Variants in OXNAD1 observed in about 807,000 individuals in gnomAD.
OXNAD1 encodes the protein oxidoreductase NAD binding domain containing 1, also known as oxidoreductase NAD-binding domain-containing protein 1.
Under a neutral mutation model 32.9 loss-of-function variants are expected in OXNAD1, and 34 were observed. The ratio of observed to expected loss-of-function variants is 1.03; its 90% CI spans 0.79 to 1.38. The LOEUF is 1.38. Ranked by LOEUF, OXNAD1 falls within the 40% of genes most tolerant of loss-of-function variation. The pLI is 0.00. For missense variants in OXNAD1, 407 were observed against 379.4 expected (o/e 1.07, Z -0.60); for synonymous variants, 134 against 135.2 (o/e 0.99, Z 0.06).
intron 1 of OXNAD1, among the ~76,000 whole-genome samples, chr3:16,268,183 G>A (rs887241356): frequency 2.6e-5 from 4 of 151,966 alleles, no homozygotes; most frequent in African/African-American, 9.7e-5. Context: ...TTTATTTAAA[G>A]GACTGGCATA....
At position 16,302,071 on chromosome 3, in the gene OXNAD1, T is replaced by C. The variant is rs1425727539; in HGVS notation, c.675+203T>C. Among the ~76,000 whole-genome samples the C allele has an allele frequency of 6.6e-6, 1 of 152,080 alleles. No homozygotes were observed. Among genetic ancestry groups the C allele is most frequent in the Non-Finnish European group, 1.5e-5 (1 of 68,012 alleles). Reference sequence around the variant, plus strand: ...AGTGTTGAAGAGGCTAGCAGTTAGGTGACAGGAAAGGGTAGGTTTTGGTGG... The same window carrying C: ...AGTGTTGAAGAGGCTAGCAGTTAGGCGACAGGAAAGGGTAGGTTTTGGTGG... On this transcript the variant is annotated intron_variant, in intron 7 of 8. Transcript: ENST00000285083. The surrounding 1 kb of genome is among the most constrained non-coding windows in gnomAD (Gnocchi z 4.2).
At position 16,285,271 on chromosome 3, in the gene OXNAD1, A is replaced by G. The variant is rs958024836; in HGVS notation, c.184-1071A>G. Among the ~76,000 whole-genome samples, 7 of 152,336 alleles carry G rather than the reference A, an allele frequency of 4.6e-5. No homozygotes were observed. In the South Asian group the frequency reaches 1.4e-3, roughly 32 times the overall value. On this transcript the variant is annotated intron_variant, in intron 4 of 8. Transcript: ENST00000285083. ...TAGTTTGATGAGATTTAGTAGTCCT[A>G]TTGGAGTAGAGGGCCTGCATGAGCT... is the stretch of plus-strand genomic sequence containing the variant.
chr3:16,325,006 G>C (rs990433238), intron 9 of OXNAD1, among the ~76,000 whole-genome samples: 1 of 151,984 alleles, frequency 6.6e-6, no homozygotes. Context: ...CCCAATCAGT[G>C]TGAGGCTATA....
intron 1 of OXNAD1, among the ~76,000 whole-genome samples, chr3:16,267,675 C>T (rs1376423873): frequency 6.6e-6 from 1 of 152,204 alleles, no homozygotes; most frequent in Non-Finnish European, 1.5e-5. Context: ...CACTCTTACT[C>T]CCTTTATCAT....
intron 9 of OXNAD1, among the ~76,000 whole-genome samples, chr3:16,324,491 T>C (rs2125212349): frequency 6.6e-6 from 1 of 152,226 alleles, no homozygotes; most frequent in Non-Finnish European, 1.5e-5. Context: ...CTTCTATGAC[T>C]CAACTTTTTT....
At position 16,322,971 on chromosome 3, in the gene OXNAD1, A is replaced by G. The variant is rs2125200253; in HGVS notation, c.*31-14141A>G. Among the ~76,000 whole-genome samples the G allele has an allele frequency of 6.6e-6, 1 of 152,294 alleles. No individual in the cohort carries two copies. Among genetic ancestry groups the G allele is most frequent in the East Asian group, 1.9e-4 (1 of 5,184 alleles). ...ACTTTTAATGTCCTAAGGAATCTTA[A>G]CAGGGCAGGCCAGAGCTCCAACTAG... On this transcript the variant is annotated intron_variant, in intron 9 of 9. Coordinates refer to the OXNAD1 transcript ENST00000435829. This position sits in a 1 kb window ranked among gnomAD's most constrained non-coding sequence, Gnocchi z 6.2.
chr3:16,350,559 T>TGTCAAG (rs1398614674), downstream of OXNAD1, among the ~76,000 whole-genome samples: 1 of 152,104 alleles, frequency 6.6e-6, no homozygotes, highest in African/African-American at 2.4e-5. Context: ...GGTGTGTAAC[T>TGTCAAG]GTCAAGGTGA....
Position 16,265,995 on chromosome 3 carries a change from G to A in OXNAD1, c.-159+490G>A, listed in dbSNP as rs2064467808. 1 of 749,868 alleles carries A rather than the reference G, an allele frequency of 1.3e-6. No homozygotes were observed. The highest frequency in any genetic ancestry group is 1.9e-5 in the African/African-American group (1 of 52,194). 46.5% of individuals were successfully genotyped at this position (749,868 alleles called of 1,614,324 possible). On this transcript the variant is annotated intron_variant, in intron 1 of 8. Coordinates refer to ENST00000285083, the MANE Select transcript of OXNAD1 (RefSeq NM_138381.5). This position sits in a 1 kb window ranked among gnomAD's most constrained non-coding sequence, Gnocchi z 4.8. The stretch of plus-strand genomic sequence containing the variant: ...TGAAAGCAGTGCTAGTGCCTGTTTT[G>A]GTAAAACCGATTACATTGGGTCTTA...
In OXNAD1 at chr3:16,327,837, A is replaced by T. The variant is rs1356580709; in HGVS notation, c.*31-9275A>T. Among the ~76,000 whole-genome samples the T allele has an allele frequency of 6.6e-6, 1 of 152,106 alleles. No homozygotes were observed. The highest frequency in any genetic ancestry group is 1.5e-5 in the Non-Finnish European group (1 of 68,008). On this transcript the variant is annotated intron_variant, in intron 9 of 9. Transcript: ENST00000435829. The surrounding 1 kb of genome is among the most constrained non-coding windows in gnomAD (Gnocchi z 4.2). ...GAGAGCCCTGATGTGAGGCCCCTGC[A>T]CTGGCTTCCACCTCTGCAGGCGTTC...
At chr3:16,311,186 A>T (rs2959274) in intron 9 of OXNAD1, among the ~76,000 whole-genome samples, 147,860 of 150,790 alleles carry the variant, frequency 0.98, 72,548 homozygotes, top group Non-Finnish European at 1. Flanking sequence ...TTTTTTAAAA[A>T]TATTATATAT....
intron 9 of OXNAD1, among the ~76,000 whole-genome samples, chr3:16,333,670 CATATG>C (rs988696377): frequency 2.3e-4 from 35 of 151,962 alleles, no homozygotes; most frequent in African/African-American, 6.3e-4. Flanking sequence ...CATAAAAACT[CATATG>C]ATATAAAAGA....
At chr3:16,270,543 C>G (rs961585061) in intron 2 of OXNAD1, among the ~76,000 whole-genome samples, 1 of 152,136 alleles carries the variant, frequency 6.6e-6, no homozygotes, top group Non-Finnish European at 1.5e-5. Flanking sequence ...GTAAATTTAT[C>G]TTCCTCTTAC....
At position 16,271,547 on chromosome 3, in the gene OXNAD1, G is replaced by A; in HGVS notation, c.120-112G>A. ...GCAGATACTCACTGGCCATTTTATA[G>A]GATCTGTAATGTTACACTGTATTTA... is the stretch of plus-strand genomic sequence containing the variant. On this transcript the variant is annotated intron_variant, in intron 3 of 8. Coordinates refer to ENST00000285083, the MANE Select transcript of OXNAD1 (RefSeq NM_138381.5). This position sits in a 1 kb window ranked among gnomAD's most constrained non-coding sequence, Gnocchi z 4.6. 1.1e-6 allele frequency: 1 copy of A among 899,530 alleles called. No homozygotes were observed. Among genetic ancestry groups the A allele is most frequent in the African/African-American group, 1.7e-5 (1 of 57,188 alleles). 55.7% of individuals were successfully genotyped at this position (899,530 alleles called of 1,614,324 possible). A position where few individuals can be genotyped will look rare whatever the true frequency, so the allele number is the denominator to read the frequency against.
In OXNAD1 at chr3:16,344,874, C is replaced by T. The variant is rs754070122; in HGVS notation, c.*31-4302C>T. On this transcript the variant is annotated intron_variant, in intron 9 of 9. Transcript: ENST00000606098. This position sits in a 1 kb window ranked among gnomAD's most constrained non-coding sequence, Gnocchi z 4.4. The stretch of plus-strand genomic sequence containing the variant: ...GAGTGAACACATAACTACAAGAACA[C>T]CCCCCAACCTTTTATGCTCACTGAT... 2.0e-5 allele frequency among the ~76,000 whole-genome samples: 3 copies of T among 152,188 alleles called. No individual in the cohort carries two copies. Among genetic ancestry groups the T allele is most frequent in the Non-Finnish European group, 4.4e-5 (3 of 68,036 alleles).
chr3:16,328,906 A>G (rs1321535265), intron 9 of OXNAD1, among the ~76,000 whole-genome samples: 1 of 152,254 alleles, frequency 6.6e-6, no homozygotes, highest in African/African-American at 2.4e-5. Context: ...AAAAAAATAT[A>G]TATTTTTAAA....
chr3:16,336,369 G>A lies in OXNAD1; in HGVS notation c.*31-743G>A, dbSNP rs1316088546. On this transcript the variant is annotated intron_variant, in intron 9 of 9. Transcript: ENST00000435829. The surrounding 1 kb of genome is among the most constrained non-coding windows in gnomAD (Gnocchi z 6.0). ...TGGTTCCCATCCAGTGGAGCCCATGGAGGTGAGGTGGAGGGAGGGAGAAGG... is the reference window on the plus strand; with the variant it reads ...TGGTTCCCATCCAGTGGAGCCCATGAAGGTGAGGTGGAGGGAGGGAGAAGG... Among the ~76,000 whole-genome samples, 3 of 152,204 alleles carry A rather than the reference G, an allele frequency of 2.0e-5. No individual in the cohort carries two copies. The highest frequency in any genetic ancestry group is 4.4e-5 in the Non-Finnish European group (3 of 68,026).
rs1367774994 is a variant in OXNAD1 at position 16,326,844 on chromosome 3, C to A, written c.*31-10268C>A. ...AGCCATAGGCCGCCAGCGAGTTCAG[C>A]AGGGGCACGTAGTCTGTCTGCACTT... is the stretch of plus-strand genomic sequence containing the variant. On this transcript the variant is annotated intron_variant, in intron 9 of 9. Transcript: ENST00000435829. The A allele has an allele frequency of 4.3e-6, 7 of 1,613,980 alleles. No individual in the cohort carries two copies. In the African/African-American group the frequency reaches 9.3e-5, roughly 22 times the overall value.
chr3:16,303,667 T>G lies in OXNAD1; in HGVS notation c.*105T>G, dbSNP rs111836575. The G allele has an allele frequency of 1.3e-4, 166 of 1,250,750 alleles. No individual in the cohort carries two copies. The African/African-American group carries it at 2.1e-3, about 16-fold the overall frequency. 77.5% of individuals were successfully genotyped at this position (1,250,750 alleles called of 1,614,324 possible). ...TTTTATCTCTACTTGAGTTGTCTTA[T>G]TTTTTAAGGCTATAAACTTAGTGAC... On this transcript the variant is annotated 3_prime_UTR_variant, in exon 9 of 9. Coordinates refer to ENST00000285083, the MANE Select transcript of OXNAD1 (RefSeq NM_138381.5). This position sits in a 1 kb window ranked among gnomAD's most constrained non-coding sequence, Gnocchi z 4.8.
At chr3:16,350,370 T>C (rs1343145708), downstream of OXNAD1, 2 of 152,220 alleles carry the variant, frequency 1.3e-5, no homozygotes, top group Admixed American at 6.5e-5. Flanking sequence ...GAGATGGACA[T>C]GAAGTATGAA....
Sources: gnomAD v4.1 joint callset for allele counts (sites outside exome capture counted in the v4.1 genomes callset) on GRCh38, gnomAD v4.1.1 for gene constraint, Gnocchi (gnomAD v3.1) non-coding constraint, MANE v1.5 for transcripts, NCBI Gene and HGNC (gene_info 2026-07-23, HGNC 2026-07-21) for gene names.